The following SOAT2 variants were observed in gnomAD, a reference collection of about 807,000 sequenced individuals.
The protein encoded by SOAT2 is ACAT-2.
SOAT2 carries 87 observed loss-of-function variants against 76.0 expected under a neutral mutation model. That is an observed-to-expected ratio of 1.14 (90% CI 0.96 to 1.37). The LOEUF (loss-of-function observed/expected upper bound fraction) is 1.37. SOAT2 is among the 40% of genes most tolerant of loss of function. The probability of loss-of-function intolerance (pLI) is 0.00; values close to 1 mark genes in which losing one functional copy is unlikely to be tolerated. For missense variants in SOAT2, 686 were observed against 682.1 expected (o/e 1.01, Z -0.06); for synonymous variants, 285 against 275.4 (o/e 1.03, Z -0.34).
chr12:53,122,206 CTTTTT>C (rs55672871), intron 12 of SOAT2, among the ~76,000 whole-genome samples: 3 of 111,122 alleles, frequency 2.7e-5, no homozygotes, highest in Non-Finnish European at 1.9e-5. Context: ...GGTGGGGGCT[CTTTTT>C]TTTTTTTTTT....
intron 5 of SOAT2, among the ~76,000 whole-genome samples, chr12:53,112,857 T>C (rs182102333): frequency 0.019 from 2,821 of 147,834 alleles, 29 homozygotes; most frequent in Non-Finnish European, 0.031. Context: ...CTCAGCTCAC[T>C]GCAACCTCTG....
chr12:53,123,068 C>T lies in SOAT2; in HGVS notation c.1237-13C>T, dbSNP rs1938218336. On this transcript the variant is annotated splice_polypyrimidine_tract_variant and intron_variant, in intron 12 of 14. Transcript: ENST00000301466. ...GGGAGACTTACTCTTCACTCCTTTCCTCACCCTGCCAGCTCCTTGGTGCCC... is the reference window on the plus strand; with the variant it reads ...GGGAGACTTACTCTTCACTCCTTTCTTCACCCTGCCAGCTCCTTGGTGCCC... 1 of 1,608,220 alleles carries T rather than the reference C, an allele frequency of 6.2e-7. No individual in the cohort carries two copies. Among genetic ancestry groups the T allele is most frequent in the Non-Finnish European group, 8.5e-7 (1 of 1,177,912 alleles).
intron 5 of SOAT2, among the ~76,000 whole-genome samples, chr12:53,107,843 G>A (rs1436912584): frequency 3.3e-5 from 5 of 152,032 alleles, no homozygotes; most frequent in African/African-American, 4.8e-5. Flanking sequence ...GGCTGGTCTC[G>A]AACTCCTGAC....
chr12:53,117,180 C>T (rs567240744), intron 7 of SOAT2, among the ~76,000 whole-genome samples: 4 of 151,410 alleles, frequency 2.6e-5, no homozygotes, highest in African/African-American at 7.3e-5. Flanking sequence ...AGGGTGGTCT[C>T]GAACTCCTGA....
rs191496675 is a variant in SOAT2 at position 53,115,699 on chromosome 12, G to A, written c.708+45G>A. On this transcript the variant is annotated intron_variant, in intron 6 of 14. Coordinates refer to ENST00000301466, the MANE Select transcript of SOAT2 (RefSeq NM_003578.4). Reference sequence around the variant, plus strand: ...GACGGACAGGAAGGAACCAGCTGGTGGGGCCATCTCAGCAGAGGGGGAGTC... The same window carrying A: ...GACGGACAGGAAGGAACCAGCTGGTAGGGCCATCTCAGCAGAGGGGGAGTC... 2.3e-5 allele frequency: 34 copies of A among 1,467,930 alleles called. No individual in the cohort carries two copies. The African/African-American group carries it at 4.5e-4, about 19-fold the overall frequency. The allele number at this position is 1,467,930 out of a possible 1,614,324, so 90.9% of individuals were successfully genotyped here. A position where few individuals can be genotyped will look rare whatever the true frequency, so the allele number is the denominator to read the frequency against.
chr12:53,117,667 G>A (rs56203741), intron 7 of SOAT2, among the ~76,000 whole-genome samples: 16,354 of 151,880 alleles, frequency 0.11, 1,051 homozygotes, highest in East Asian at 0.17. Flanking sequence ...GAGAGGGGAC[G>A]TTTCTGGGAG....
intron 7 of SOAT2, 53 bp from the exon 8 acceptor site, chr12:53,118,297 C>T (rs886454299): frequency 2.6e-6 from 3 of 1,143,912 alleles, no homozygotes; most frequent in South Asian, 2.5e-5. Flanking sequence ...AGCCCCCTCA[C>T]CTCTGCCCTC....
At chr12:53,123,706 A>G in intron 13 of SOAT2, 22 bp from the exon 14 acceptor site, 1 of 1,613,966 alleles carries the variant, frequency 6.2e-7, no homozygotes, top group Non-Finnish European at 8.5e-7. Context: ...AGCTGGAATG[A>G]CAACCTTTCC....
At chr12:53,120,944 G>C in intron 11 of SOAT2, 61 bp downstream of exon 11, 3 of 1,289,778 alleles carry the variant, frequency 2.3e-6, no homozygotes, top group Non-Finnish European at 3.4e-6. Context: ...GAGGGATCTG[G>C]GGAAGATGGT....
At chr12:53,107,049 T>C (rs1937946748) in intron 5 of SOAT2, among the ~76,000 whole-genome samples, 1 of 152,224 alleles carries the variant, frequency 6.6e-6, no homozygotes. Context: ...GGCACTGGTT[T>C]TTAACATTTA....
In SOAT2 at chr12:53,104,172, C is replaced by T. The variant is rs1222146838; in HGVS notation, c.104C>T (p.Ala35Val). Reference sequence around the variant, plus strand: ...ACAGGAAACACTGAGACGCACAGAGCCCCGGACTTGGTACAATGGACCCGA... The same window carrying T: ...ACAGGAAACACTGAGACGCACAGAGTCCCGGACTTGGTACAATGGACCCGA... ...CGDGNTETHR[A>V]PDLVQWTRHM... Residue 35 changes from alanine to valine, a missense_variant, in exon 2 of 15, where the codon GCC (alanine) becomes GTC (valine). Coordinates refer to ENST00000301466, the MANE Select transcript of SOAT2 (RefSeq NM_003578.4). The T allele has an allele frequency of 6.2e-7, 1 of 1,613,612 alleles. No individual in the cohort carries two copies. The highest frequency in any genetic ancestry group is 1.1e-5 in the South Asian group (1 of 91,062).
chr12:53,121,217 G>A, intron 11 of SOAT2, 86 bp from the exon 12 acceptor site: 1 of 945,018 alleles, frequency 1.1e-6, no homozygotes, highest in Non-Finnish European at 1.7e-6. Context: ...CTGGGATAGG[G>A]TGCAGGCAGA....
rs1401708661 is a variant in SOAT2, at chr12:53,124,415, T to C, written c.*292T>C. On this transcript the variant is annotated 3_prime_UTR_variant, in exon 15 of 15. Transcript: ENST00000301466. ...TCTTAGGGAGACTTGGGGTACCTTA[T>C]GGATTTGATGAATGTGGGGGAACTC... 4.7e-6 allele frequency: 2 copies of C among 428,184 alleles called. No individual in the cohort carries two copies. Among genetic ancestry groups the C allele is most frequent in the African/African-American group, 3.9e-5 (2 of 51,026 alleles). 26.5% of individuals were successfully genotyped at this position (428,184 alleles called of 1,614,324 possible).
chr12:53,108,241 T>C (rs560104794), intron 5 of SOAT2, among the ~76,000 whole-genome samples: 7 of 152,276 alleles, frequency 4.6e-5, no homozygotes, highest in Non-Finnish European at 1.0e-4. Flanking sequence ...ATGACATTCT[T>C]TACCTACCAC....
In SOAT2 at chr12:53,121,342, A is replaced by G. The variant is rs1938185870; in HGVS notation, c.1177A>G (p.Thr393Ala). ...AACGTCCTTCTCCAACTACTACCGC[A>G]CTTGGAACGTGGTGGTCCATGACTG... ...NSTSFSNYYR[T>A]WNVVVHDWLY... Residue 393 changes from threonine to alanine, a missense_variant, in exon 12 of 15, where the codon ACT (threonine) becomes GCT (alanine). Physicochemically the swap from Thr to Ala is moderately conservative, Grantham distance 58. Transcript: ENST00000301466. The G allele has an allele frequency of 1.9e-6, 3 of 1,613,982 alleles. No individual in the cohort carries two copies. Among genetic ancestry groups the G allele is most frequent in the Admixed American group, 1.7e-5 (1 of 59,990 alleles).
chr12:53,118,140 G>T (rs1385627395), intron 7 of SOAT2, among the ~76,000 whole-genome samples: 1 of 152,068 alleles, frequency 6.6e-6, no homozygotes, highest in East Asian at 1.9e-4. Flanking sequence ...AATGACAGCA[G>T]AAGAGATGGT....
Position 53,123,714 on chromosome 12 carries a change from T to C in SOAT2, c.1373-14T>C. 1 of 1,614,030 alleles carries C rather than the reference T, an allele frequency of 6.2e-7. No homozygotes were observed. Among genetic ancestry groups the C allele is most frequent in the Non-Finnish European group, 8.5e-7 (1 of 1,179,958 alleles). ...CTCCTGGAGCTGGAATGACAACCTT[T>C]CCTCCTGCACCAGGAATGTTGAACT... On this transcript the variant is annotated splice_polypyrimidine_tract_variant and intron_variant, in intron 13 of 14. Transcript: ENST00000301466.
At chr12:53,109,711 C>T (rs1937985180) in intron 5 of SOAT2, among the ~76,000 whole-genome samples, 1 of 152,140 alleles carries the variant, frequency 6.6e-6, no homozygotes, top group Admixed American at 6.5e-5. Context: ...TGGTCTTGAA[C>T]TCCTGACCTC....
rs775007790 is a variant in SOAT2, at chr12:53,115,615, G to C, written c.669G>C (p.Gln223His). The change falls in exon 6 of 15, where the codon CAG becomes CAC. Residue 223 changes from glutamine to histidine, a missense_variant. Gln to His is a conservative substitution (Grantham distance 24). Transcript: ENST00000301466. ...ALPVHVAVEH[Q>H]LPPASRCVLV... ...CGGTCCACGTGGCCGTGGAGCATCAGCTCCCGCCGGCCTCCCGTTGTGTCC... is the reference window on the plus strand; with the variant it reads ...CGGTCCACGTGGCCGTGGAGCATCACCTCCCGCCGGCCTCCCGTTGTGTCC... 2.6e-6 allele frequency: 4 copies of C among 1,560,002 alleles called. No individual in the cohort carries two copies. The South Asian group carries it at 4.6e-5, about 18-fold the overall frequency.
Sources: gnomAD v4.1 joint callset for allele counts (sites outside exome capture counted in the v4.1 genomes callset) on GRCh38, gnomAD v4.1.1 for gene constraint, MANE v1.5 for transcripts, NCBI Gene and HGNC (gene_info 2026-07-23, HGNC 2026-07-21) for gene names.